The following SYNRG variants were observed in gnomAD, a reference collection of about 807,000 sequenced individuals.
SYNRG encodes AP1 gamma subunit binding protein 1.
In SYNRG, 37 loss-of-function variants were observed where a neutral mutation model predicts 130.9. The ratio of observed to expected loss-of-function variants is 0.28; its 90% CI spans 0.22 to 0.37. The LOEUF is 0.37. Among genes scored for constraint, SYNRG ranks in the 10% least tolerant of loss-of-function variants. SYNRG has a pLI of 1.00. For missense variants in SYNRG, 1,338 were observed against 1,588.9 expected, an observed-to-expected ratio of 0.84 and a Z score of 2.68; for synonymous variants, 539 against 568.1, an observed-to-expected ratio of 0.95 and a Z score of 0.73.
chr17:37,530,907 C>A (rs77042356), intron 19 of SYNRG, among the ~76,000 whole-genome samples: 40 of 152,248 alleles, frequency 2.6e-4, no homozygotes, highest in African/African-American at 9.4e-4. Context: ...GAAAGGATGA[C>A]GGCAGGGTAA....
At position 37,520,727 on chromosome 17, in the gene SYNRG, C is replaced by T. The variant is rs2054909604; in HGVS notation, c.3667-79G>A. On this transcript the variant is annotated intron_variant, in intron 19 of 21. Transcript: ENST00000612223. ...CACTTCACTCCCTCATCACTCACCC[C>T]CAGCAGGCCTAGCGGCAAGTACAGT... The T allele has an allele frequency of 3.3e-6, 4 of 1,198,486 alleles. No individual in the cohort carries two copies. In the South Asian group the frequency reaches 5.0e-5, roughly 15 times the overall value. 74.2% of individuals were successfully genotyped at this position (1,198,486 alleles called of 1,614,324 possible).
chr17:37,576,309 G>T (rs756485851), intron 8 of SYNRG, 32 bp downstream of exon 8: 2 of 1,601,388 alleles, frequency 1.2e-6, no homozygotes, highest in Admixed American at 3.3e-5. Context: ...AAAATATCCA[G>T]ATGGGAATCC....
Position 37,609,266 on chromosome 17 carries a change from T to C in SYNRG, c.77+13A>G. 1 of 1,430,776 alleles carries C rather than the reference T, an allele frequency of 7.0e-7. No homozygotes were observed. Among genetic ancestry groups the C allele is most frequent in the Non-Finnish European group, 9.1e-7 (1 of 1,098,854 alleles). 88.6% of individuals were successfully genotyped at this position (1,430,776 alleles called of 1,614,324 possible). A position where few individuals can be genotyped will look rare whatever the true frequency, so the allele number is the denominator to read the frequency against. On this transcript the variant is annotated intron_variant, in intron 1 of 21. Transcript: ENST00000612223. ...GGAGGCCAGCGGGCTCCCGCCCGGC[T>C]CTTCACACCTACCCGCCTCCCCCGG...
At chr17:37,556,164 CTTGGGCCAGGCA>C (rs1248972922) in intron 13 of SYNRG, among the ~76,000 whole-genome samples, 1 of 152,048 alleles carries the variant, frequency 6.6e-6, no homozygotes, top group Non-Finnish European at 1.5e-5. Context: ...ATATACTGTG[CTTGGGCCAGGCA>C]CGGTGGCTCA....
chr17:37,536,291 T>G, intron 18 of SYNRG, 164 bp from the exon 19 acceptor site: 2 of 832,098 alleles, frequency 2.4e-6, no homozygotes, highest in Non-Finnish European at 3.6e-6. Flanking sequence ...AATGCTGCTG[T>G]ATAGCTTACT....
chr17:37,591,613 A>T (rs1598582966), intron 3 of SYNRG, among the ~76,000 whole-genome samples: 2 of 152,230 alleles, frequency 1.3e-5, no homozygotes, highest in African/African-American at 4.8e-5. Context: ...TACATAAAAC[A>T]ATAGAACAGA....
At chr17:37,539,891 C>T (rs893743038) in intron 16 of SYNRG, among the ~76,000 whole-genome samples, 4 of 152,158 alleles carry the variant, frequency 2.6e-5, no homozygotes, top group Non-Finnish European at 2.9e-5. Flanking sequence ...TGGCTTTCCA[C>T]GCCCCAGTTA....
At chr17:37,579,197 T>C (rs1298034446) in intron 6 of SYNRG, 3 of 1,232,086 alleles carry the variant, frequency 2.4e-6, no homozygotes, top group Non-Finnish European at 3.1e-6. Flanking sequence ...AGGGACGCCA[T>C]GTAAGGCAAA....
At chr17:37,606,135 T>C (rs535151645) in intron 1 of SYNRG, 2 of 446,468 alleles carry the variant, frequency 4.5e-6, no homozygotes, top group Non-Finnish European at 3.0e-6. Context: ...AACTCTACTT[T>C]GCAGTTTTAT....
At chr17:37,557,584 A>T (rs1598327911) in intron 13 of SYNRG, among the ~76,000 whole-genome samples, 1 of 152,238 alleles carries the variant, frequency 6.6e-6, no homozygotes, top group Non-Finnish European at 1.5e-5. Flanking sequence ...TTGTTTAAAA[A>T]GTACTGAAAT....
intron 19 of SYNRG, among the ~76,000 whole-genome samples, chr17:37,532,470 C>T (rs771946697): frequency 1.3e-5 from 2 of 151,932 alleles, no homozygotes; most frequent in South Asian, 2.1e-4. Context: ...GCCAGGAGTT[C>T]GAGACCAGCC....
chr17:37,525,733 C>A (rs894974817), intron 19 of SYNRG, among the ~76,000 whole-genome samples: 4 of 151,932 alleles, frequency 2.6e-5, no homozygotes, highest in Admixed American at 1.3e-4. Context: ...TTTGGGAGGC[C>A]AAGGCGGGCG....
chr17:37,563,388 A>G (rs2059688495), intron 11 of SYNRG, among the ~76,000 whole-genome samples: 3 of 152,248 alleles, frequency 2.0e-5, no homozygotes, highest in Non-Finnish European at 2.9e-5. Flanking sequence ...GTGTTTTACA[A>G]TCACTCCATA....
At chr17:37,596,434 G>A in intron 2 of SYNRG, 90 bp from the exon 3 acceptor site, 1 of 1,454,948 alleles carries the variant, frequency 6.9e-7, no homozygotes, top group Non-Finnish European at 9.3e-7. Context: ...TTACTTGGCA[G>A]GAAGCAGAGT....
At chr17:37,589,325 CATAAG>C in intron 3 of SYNRG, among the ~76,000 whole-genome samples, 1 of 152,218 alleles carries the variant, frequency 6.6e-6, no homozygotes, top group African/African-American at 2.4e-5. Flanking sequence ...ATAATTAAGG[CATAAG>C]ATATTTACTG....
chr17:37,597,216 C>T (rs1050115057), intron 2 of SYNRG, among the ~76,000 whole-genome samples: 12 of 152,154 alleles, frequency 7.9e-5, no homozygotes, highest in African/African-American at 2.4e-4. Context: ...TCTATCTCAG[C>T]GAGCCACCTC....
chr17:37,561,507 C>T lies in SYNRG; in HGVS notation c.1564G>A (p.Ala522Thr). 6.2e-7 allele frequency: 1 copy of T among 1,613,798 alleles called. No homozygotes were observed. Among genetic ancestry groups the T allele is most frequent in the Non-Finnish European group, 8.5e-7 (1 of 1,179,732 alleles). Residue 522 changes from alanine to threonine, a missense_variant, in exon 12 of 22, where the codon GCT becomes ACT. Physicochemically the swap from Ala to Thr is moderately conservative, Grantham distance 58. Coordinates refer to ENST00000612223, the MANE Select transcript of SYNRG (RefSeq NM_007247.6). ...ACAGTATTTTCAGAGGACTTGTCAG[C>T]TGCAATTCCTTTAAACACAGCATAT... ...DKYAVFKGIA[A>T]DKSSENTVPP...
At chr17:37,522,785 C>T (rs1222723713) in intron 19 of SYNRG, among the ~76,000 whole-genome samples, 1 of 151,832 alleles carries the variant, frequency 6.6e-6, no homozygotes, top group African/African-American at 2.4e-5. Context: ...GGACTATAGG[C>T]GTGCACCACC....
At chr17:37,572,089 C>A in intron 8 of SYNRG, 102 bp from the exon 9 acceptor site, 9 of 1,005,168 alleles carry the variant, frequency 9.0e-6, no homozygotes, top group Non-Finnish European at 1.2e-5. Context: ...AACAAAACTG[C>A]TTTAATAGAA....
Sources: allele counts gnomAD v4.1 joint callset (sites outside exome capture counted in the v4.1 genomes callset), GRCh38; gene constraint gnomAD v4.1.1; transcripts MANE v1.5; gene names NCBI Gene and HGNC (gene_info 2026-07-23, HGNC 2026-07-21).